Variants in GUCY1A1 observed in about 807,000 individuals in gnomAD.
GUCY1A1 encodes the protein guanylate cyclase 1 soluble subunit alpha 1.
Under a neutral mutation model 64.5 loss-of-function variants are expected in GUCY1A1, and 48 were observed. The ratio of observed to expected loss-of-function variants is 0.74; its 90% CI spans 0.59 to 0.95. GUCY1A1 has a LOEUF of 0.95. Ranked by LOEUF, GUCY1A1 falls within the 40% of genes least tolerant of loss-of-function variation. The pLI, the probability that GUCY1A1 is intolerant of heterozygous loss-of-function variation, is 0.00. For synonymous variants in GUCY1A1, 308 were observed against 303.4 expected, an observed-to-expected ratio of 1.02 and a Z score of -0.16; for missense variants, 804 against 825.3, an observed-to-expected ratio of 0.97 and a Z score of 0.32.
intron 7 of GUCY1A1, 126 bp downstream of exon 7, chr4:155,713,709 T>A: frequency 1.1e-6 from 1 of 942,478 alleles, no homozygotes; most frequent in South Asian, 1.7e-5. Context: ...AGCCCAGTCC[T>A]GGGAGCAGGT....
chr4:155,727,700 C>T (rs1471474280), intron 9 of GUCY1A1, among the ~76,000 whole-genome samples: 1 of 151,488 alleles, frequency 6.6e-6, no homozygotes, highest in Non-Finnish European at 1.5e-5. Context: ...CAAGATGACA[C>T]TCATGTAGCC....
intron 2 of GUCY1A1, among the ~76,000 whole-genome samples, chr4:155,688,875 C>T (rs373782234): frequency 3.3e-4 from 50 of 151,946 alleles, no homozygotes; most frequent in African/African-American, 1.1e-3. Flanking sequence ...TGCACCTCAG[C>T]AATTGTAGGC....
intron 2 of GUCY1A1, among the ~76,000 whole-genome samples, chr4:155,670,402 T>C (rs1733982459): frequency 6.6e-6 from 1 of 152,332 alleles, no homozygotes; most frequent in East Asian, 1.9e-4. Context: ...TTGATTTACT[T>C]TGGGTGAAGT....
chr4:155,700,612 G>C (rs1329215099), intron 3 of GUCY1A1, among the ~76,000 whole-genome samples: 1 of 152,148 alleles, frequency 6.6e-6, no homozygotes, highest in Non-Finnish European at 1.5e-5. Context: ...TGAGCCAAAA[G>C]ATAATTGTTT....
At position 155,734,723 on chromosome 4, in the gene GUCY1A1, C is replaced by T. The variant is rs976968418; in HGVS notation, c.*4492C>T. 6 of 151,992 alleles carry T rather than the reference C, an allele frequency of 3.9e-5. No individual in the cohort carries two copies. In the East Asian group the frequency reaches 9.7e-4, roughly 25 times the overall value. 9.4% of individuals were successfully genotyped at this position (151,992 alleles called of 1,614,324 possible). On this transcript the variant is annotated 3_prime_UTR_variant, in exon 10 of 10. Transcript: ENST00000506455. ...AAACAGAAATTCAGTGCTGCAGAGA[C>T]GGTAGCAAAGTGCAGTTCTCTTGTT...
rs921092884 is a variant in GUCY1A1 at position 155,675,415 on chromosome 4, A to G, written c.-113+7996A>G. 5.3e-5 allele frequency among the ~76,000 whole-genome samples: 8 copies of G among 151,762 alleles called. No individual in the cohort carries two copies. In the East Asian group the frequency reaches 1.5e-3, roughly 29 times the overall value. On this transcript the variant is annotated intron_variant, in intron 2 of 9. Transcript: ENST00000506455. ...GTAAATGCAATAAAATTGTCAGTAC[A>G]TGAGTTGTAAAGCAAGATATCCATA... is the stretch of plus-strand genomic sequence containing the variant.
At chr4:155,726,452 C>T (rs555356665) in intron 9 of GUCY1A1, among the ~76,000 whole-genome samples, 2 of 151,956 alleles carry the variant, frequency 1.3e-5, no homozygotes, top group East Asian at 1.9e-4. Context: ...GTACAAGAAG[C>T]GGCTGCTAAA....
intron 9 of GUCY1A1, among the ~76,000 whole-genome samples, chr4:155,727,393 G>A (rs530505904): frequency 2.6e-5 from 4 of 151,986 alleles, no homozygotes; most frequent in Admixed American, 1.3e-4. Context: ...ACATGCCTTA[G>A]AGTCCCACAA....
intron 2 of GUCY1A1, among the ~76,000 whole-genome samples, chr4:155,690,440 G>T (rs1193492054): frequency 6.6e-6 from 1 of 152,084 alleles, no homozygotes; most frequent in African/African-American, 2.4e-5. Flanking sequence ...TTCTAAAAAT[G>T]CAGTCTAATT....
At chr4:155,676,118 A>T (rs745787175) in intron 2 of GUCY1A1, among the ~76,000 whole-genome samples, 1 of 149,770 alleles carries the variant, frequency 6.7e-6, no homozygotes, top group Non-Finnish European at 1.5e-5. Context: ...TCTGCCTTCA[A>T]TCAAGAGCAT....
intron 2 of GUCY1A1, among the ~76,000 whole-genome samples, chr4:155,689,014 C>T (rs1395576725): frequency 6.7e-6 from 1 of 150,140 alleles, no homozygotes; most frequent in Non-Finnish European, 1.5e-5. Context: ...TACGACAGAG[C>T]ATATGGTCAG....
intron 8 of GUCY1A1, among the ~76,000 whole-genome samples, chr4:155,720,963 T>C (rs1733888880): frequency 1.3e-5 from 2 of 152,298 alleles, no homozygotes; most frequent in Admixed American, 6.5e-5. Flanking sequence ...GAAGATTCCA[T>C]TGTTAAATAT....
In GUCY1A1 at chr4:155,713,483, C is replaced by T; in HGVS notation, c.1472C>T (p.Thr491Ile). The T allele has an allele frequency of 6.2e-7, 1 of 1,614,174 alleles. No homozygotes were observed. Among genetic ancestry groups the T allele is most frequent in the Non-Finnish European group, 8.5e-7 (1 of 1,180,020 alleles). Reference sequence around the variant, plus strand: ...CTCTTCTCAGACATCGTTGGGTTCACTGCCATCTGCTCCCAGTGCTCACCG... The same window carrying T: ...CTCTTCTCAGACATCGTTGGGTTCATTGCCATCTGCTCCCAGTGCTCACCG... The part of the protein sequence containing the change: ...TMLFSDIVGF[T>I]AICSQCSPLQ... Residue 491 changes from threonine (T) to isoleucine (I), a missense_variant, in exon 7 of 10, where the codon ACT becomes ATT. Physicochemically the swap from Thr to Ile is moderately conservative, Grantham distance 89. Coordinates refer to ENST00000506455, the MANE Select transcript of GUCY1A1 (RefSeq NM_001130682.3).
chr4:155,671,890 T>G (rs145579122), intron 2 of GUCY1A1, among the ~76,000 whole-genome samples: 56 of 152,272 alleles, frequency 3.7e-4, no homozygotes, highest in African/African-American at 1.1e-3. Context: ...CTCTTTTGGA[T>G]GCACTTCTGT....
chr4:155,680,787 T>A (rs938117795), intron 2 of GUCY1A1, among the ~76,000 whole-genome samples: 38 of 152,140 alleles, frequency 2.5e-4, no homozygotes, highest in African/African-American at 8.7e-4. Context: ...CCTCGTTGTC[T>A]TCATTTTGAG....
At chr4:155,690,747 C>T (rs1324987027) in intron 2 of GUCY1A1, among the ~76,000 whole-genome samples, 3 of 152,126 alleles carry the variant, frequency 2.0e-5, no homozygotes. Flanking sequence ...TCCCAGAGCA[C>T]TATATCCCTC....
At chr4:155,717,717 C>G (rs1560959682) in intron 8 of GUCY1A1, among the ~76,000 whole-genome samples, 1 of 152,120 alleles carries the variant, frequency 6.6e-6, no homozygotes. Context: ...AAAACCACAT[C>G]TACTATAATA....
chr4:155,717,287 T>A lies in GUCY1A1; in HGVS notation c.1701T>A (p.His567Gln). 1 of 1,591,114 alleles carries A rather than the reference T, an allele frequency of 6.3e-7. No individual in the cohort carries two copies. The highest frequency in any genetic ancestry group is 8.6e-7 in the Non-Finnish European group (1 of 1,166,824). ...MELSDEVMSPHGEPIKMRIGL... is the reference protein window; with the variant it reads ...MELSDEVMSPQGEPIKMRIGL... The stretch of plus-strand genomic sequence containing the variant: ...TCTCTGATGAAGTTATGTCTCCCCA[T>A]GGAGAACCTATCAAGGTAAGGCAGA... Residue 567 changes from histidine (H) to glutamine (Q), a missense_variant, in exon 8 of 10, where the codon CAT (histidine) becomes CAA (glutamine). By Grantham distance (24) the His-to-Gln change is conservative (BLOSUM62 0). Coordinates refer to ENST00000506455, the MANE Select transcript of GUCY1A1 (RefSeq NM_001130682.3).
intron 9 of GUCY1A1, among the ~76,000 whole-genome samples, chr4:155,727,298 A>G (rs986747360): frequency 3.3e-5 from 5 of 151,894 alleles, no homozygotes; most frequent in African/African-American, 1.2e-4. Flanking sequence ...AAAAGACAAT[A>G]TAATGAACAT....
Sources: gnomAD v4.1 joint callset for allele counts (sites outside exome capture counted in the v4.1 genomes callset) on GRCh38, gnomAD v4.1.1 for gene constraint, MANE v1.5 for transcripts, NCBI Gene and HGNC (gene_info 2026-07-23, HGNC 2026-07-21) for gene names.